The following GET4 variants were observed in gnomAD, a reference collection of about 807,000 sequenced individuals.
The protein encoded by GET4 is guided entry of tail-anchored proteins factor 4.
Under a neutral mutation model 40.0 loss-of-function variants are expected in GET4, and 20 were observed. The observed-to-expected ratio is 0.50, with a 90% CI of 0.35 to 0.73. The LOEUF is 0.73. GET4 is among the 30% of genes least tolerant of loss of function. GET4 has a pLI of 0.01. For missense variants in GET4, 557 were observed against 454.0 expected (o/e 1.23, Z -2.06); for synonymous variants, 280 against 194.6 (o/e 1.44, Z -3.65).
chr7:883,709 C>G lies in GET4; in HGVS notation c.156-2347C>G, dbSNP rs1844130656. On this transcript the variant is annotated intron_variant, in intron 1 of 8. Transcript: ENST00000265857. The stretch of plus-strand genomic sequence containing the variant: ...AGAAGGCCCGGCCATGCCCAGCTGC[C>G]CCCCACTCTCCCCGGCCTCGGGCTT... 4.1e-6 allele frequency: 4 copies of G among 985,870 alleles called. No individual in the cohort carries two copies. The African/African-American group carries it at 5.2e-5, about 13-fold the overall frequency. The allele number at this position is 985,870 out of a possible 1,614,324, so 61.1% of individuals were successfully genotyped here.
rs558369113 is a variant in GET4, at chr7:887,464, C to T, written c.411C>T (p.Ser137=). The T allele has an allele frequency of 1.7e-4, 269 of 1,590,386 alleles. No individual in the cohort carries two copies. The South Asian group carries it at 2.0e-3, about 12-fold the overall frequency. Residue 137 remains serine (S), a synonymous_variant, in exon 4 of 9, where the codon TCC becomes TCT. Coordinates refer to ENST00000265857, the MANE Select transcript of GET4 (RefSeq NM_015949.3). ...CCCTGAAGTGGTCCAGTGGGGGCTC[C>T]GGGAAGCTGGGCCACCCCCGGCTGC... ...SRALKWSSGG[S]GKLGHPRLHQ...
chr7:895,445 A>T lies in GET4; in HGVS notation c.*23A>T. On this transcript the variant is annotated 3_prime_UTR_variant, in exon 9 of 9. Coordinates refer to ENST00000265857, the MANE Select transcript of GET4 (RefSeq NM_015949.3). ...TGAACTGGCCAGGCCACGTGGAGAC[A>T]CCACGGTCGACGACGGCTGGAGGGA... 2 of 1,282,838 alleles carry T rather than the reference A, an allele frequency of 1.6e-6. No homozygotes were observed. Among genetic ancestry groups the T allele is most frequent in the Non-Finnish European group, 2.3e-6 (2 of 887,436 alleles). The allele number at this position is 1,282,838 out of a possible 1,614,324, so 79.5% of individuals were successfully genotyped here.
Position 886,633 on chromosome 7 carries a change from TG to T in GET4, c.301del (p.Ala101LeufsTer14). ...LESLEKAEVE[V>X]ADELLENLAK... ...TCCCTGGAGAAGGCGGAAGTGGAGG[TG>T]GCTGACGAGCTGCTGGGTGAGCATC... On this transcript the variant is annotated frameshift_variant, in exon 3 of 9. Transcript: ENST00000265857. LOFTEE classifies it high-confidence loss of function. 1 of 1,611,784 alleles carries T rather than the reference TG, an allele frequency of 6.2e-7. No homozygotes were observed. The highest frequency in any genetic ancestry group is 8.5e-7 in the Non-Finnish European group (1 of 1,178,910).
chr7:890,362 G>A (rs1844291520), intron 4 of GET4, among the ~76,000 whole-genome samples: 1 of 51,838 alleles, frequency 1.9e-5, no homozygotes, highest in Non-Finnish European at 3.9e-5. Flanking sequence ...GGGAGTGCGA[G>A]CGGGTGTCAG....
chr7:892,659 CGTG>C (rs1404165339), intron 6 of GET4, among the ~76,000 whole-genome samples: 3 of 145,974 alleles, frequency 2.1e-5, no homozygotes, highest in African/African-American at 7.6e-5. Flanking sequence ...GTAGACATGG[CGTG>C]GGGGAGTGTA....
Position 876,675 on chromosome 7 carries a change from G to T in GET4, c.30G>T (p.Gln10His), listed in dbSNP as rs1843947209. Reference sequence around the variant, plus strand: ...CGGCGGCGGCGGCGATGGCCGAGCAGGAGAGCGCCCGGAACGGCGGCCGCA... The same window carrying T: ...CGGCGGCGGCGGCGATGGCCGAGCATGAGAGCGCCCGGAACGGCGGCCGCA... MAAAAAMAE[Q>H]ESARNGGRNR... The change falls in exon 1 of 9, where the codon CAG becomes CAT. Residue 10 changes from glutamine (Q) to histidine (H), a missense_variant. Transcript: ENST00000265857. 2 of 1,334,172 alleles carry T rather than the reference G, an allele frequency of 1.5e-6. No homozygotes were observed. Among genetic ancestry groups the T allele is most frequent in the Admixed American group, 6.9e-5 (2 of 28,918 alleles). The allele number at this position is 1,334,172 out of a possible 1,614,324, so 82.6% of individuals were successfully genotyped here.
chr7:889,149 G>A (rs551447576), intron 4 of GET4, among the ~76,000 whole-genome samples: 10 of 152,394 alleles, frequency 6.6e-5, no homozygotes, highest in African/African-American at 2.2e-4. Context: ...GTGCATGGGA[G>A]GGCTGCGCTC....
Position 895,487 on chromosome 7 carries a change from C to T in GET4, c.*65C>T. 1 of 829,220 alleles carries T rather than the reference C, an allele frequency of 1.2e-6. No individual in the cohort carries two copies. Among genetic ancestry groups the T allele is most frequent in the Non-Finnish European group, 2.0e-6 (1 of 497,800 alleles). 51.4% of individuals were successfully genotyped at this position (829,220 alleles called of 1,614,324 possible). A position where few individuals can be genotyped will look rare whatever the true frequency, so the allele number is the denominator to read the frequency against. On this transcript the variant is annotated 3_prime_UTR_variant, in exon 9 of 9. Transcript: ENST00000265857. ...CTGGAGGGACGTTTCAGAGGCGAGT[C>T]CTGGGTGGCTCCTCGCCTTGGGGGC...
At position 878,375 on chromosome 7, in the gene GET4, TCAGGTCAGGGAACAG is replaced by T. The variant is rs1316379766; in HGVS notation, c.155+1576_155+1590del. ...TGCATATCAGATTATCTCTTATGGT[TCAGGTCAGGGAACAG>T]TCTGGCCAGTCACTAGGAATTGGGT... On this transcript the variant is annotated intron_variant, in intron 1 of 8. Coordinates refer to ENST00000265857, the MANE Select transcript of GET4 (RefSeq NM_015949.3). The T allele has an allele frequency of 8.5e-6, 4 of 470,986 alleles. No individual in the cohort carries two copies. In the East Asian group the frequency reaches 2.8e-4, roughly 33 times the overall value. The allele number at this position is 470,986 out of a possible 1,614,324, so 29.2% of individuals were successfully genotyped here.
intron 3 of GET4, chr7:887,136 GC>G: frequency 1.5e-6 from 1 of 679,832 alleles, no homozygotes; most frequent in South Asian, 1.5e-5. Flanking sequence ...ACCTTCCCCA[GC>G]CCCCGCCTCG....
Position 884,101 on chromosome 7 carries a change from G to T in GET4, c.156-1955G>T. 2.9e-5 allele frequency: 35 copies of T among 1,195,766 alleles called. No individual in the cohort carries two copies. In the Admixed American group the frequency reaches 3.8e-4, roughly 13 times the overall value. 74.1% of individuals were successfully genotyped at this position (1,195,766 alleles called of 1,614,324 possible). On this transcript the variant is annotated intron_variant, in intron 1 of 8. Coordinates refer to ENST00000265857, the MANE Select transcript of GET4 (RefSeq NM_015949.3). The stretch of plus-strand genomic sequence containing the variant: ...TCCAGGGAGTCCTTTTTTTCTTCTG[G>T]TTTCTAAGTCGCCACCTCTTGCTTT...
chr7:878,525 C>A (rs528486385), intron 1 of GET4, among the ~76,000 whole-genome samples: 2 of 149,648 alleles, frequency 1.3e-5, no homozygotes, highest in South Asian at 4.3e-4. Context: ...TTGGTCTGGC[C>A]TTTATACAGT....
intron 1 of GET4, chr7:884,285 C>T: frequency 7.7e-7 from 1 of 1,304,060 alleles, no homozygotes; most frequent in Non-Finnish European, 1.0e-6. Flanking sequence ...GTGCCCTGTG[C>T]CAGACGGCTC....
chr7:891,643 T>C, intron 5 of GET4, among the ~76,000 whole-genome samples: 1 of 152,246 alleles, frequency 6.6e-6, no homozygotes, highest in East Asian at 1.9e-4. Flanking sequence ...GCCCGTCAGT[T>C]TCTTCCCACA....
Position 895,316 on chromosome 7 carries a change from C to T in GET4, c.896-18C>T, listed in dbSNP as rs372279230. ...GGAGGCTGCCCAGGCGTGACTGCCACGGTGTTCTTCTTTCCAGGGAACCTT... is the reference window on the plus strand; with the variant it reads ...GGAGGCTGCCCAGGCGTGACTGCCATGGTGTTCTTCTTTCCAGGGAACCTT... On this transcript the variant is annotated intron_variant, in intron 8 of 8. Transcript: ENST00000265857. 9.9e-5 allele frequency: 136 copies of T among 1,371,322 alleles called. No homozygotes were observed. In the East Asian group the frequency reaches 1.0e-3, roughly 10 times the overall value. The allele number at this position is 1,371,322 out of a possible 1,614,324, so 84.9% of individuals were successfully genotyped here. A position where few individuals can be genotyped will look rare whatever the true frequency, so the allele number is the denominator to read the frequency against.
In GET4 at chr7:890,864, C is replaced by A. The variant is rs1844305989; in HGVS notation, c.467-64C>A. On this transcript the variant is annotated intron_variant, in intron 4 of 8. Coordinates refer to ENST00000265857, the MANE Select transcript of GET4 (RefSeq NM_015949.3). ...CTAGAATTAACATGGAGTGTCTTTC[C>A]CCCTTTCCTTTTCTGTGTTATATTC... The A allele has an allele frequency of 3.1e-6, 4 of 1,294,712 alleles. No individual in the cohort carries two copies. The South Asian group carries it at 4.8e-5, about 15-fold the overall frequency. The allele number at this position is 1,294,712 out of a possible 1,614,324, so 80.2% of individuals were successfully genotyped here.
At chr7:884,529 C>T (rs1312125869) in intron 1 of GET4, 3 of 386,148 alleles carry the variant, frequency 7.8e-6, no homozygotes, top group South Asian at 2.1e-5. Context: ...GGTGCCCTGC[C>T]TCTGTGCAGC....
chr7:884,220 G>A (rs1196490180), intron 1 of GET4: 14 of 1,303,860 alleles, frequency 1.1e-5, no homozygotes, highest in Admixed American at 2.3e-5. Context: ...TTCTGCCCGT[G>A]GCCCCACTGG....
chr7:876,561 C>G lies in GET4; in HGVS notation c.-85C>G, dbSNP rs1172423764. On this transcript the variant is annotated 5_prime_UTR_variant, in exon 1 of 9. Coordinates refer to ENST00000265857, the MANE Select transcript of GET4 (RefSeq NM_015949.3). ...CTCCTCGCGGGCCACCGTAGAAGGG[C>G]GTCGGGCGGCCGTCGGGACGGAAGC... 1.8e-6 allele frequency: 2 copies of G among 1,099,982 alleles called. 1 individual carries two copies. Among genetic ancestry groups the G allele is most frequent in the South Asian group, 8.9e-5 (2 of 22,422 alleles). 68.1% of individuals were successfully genotyped at this position (1,099,982 alleles called of 1,614,324 possible).
Sources: gnomAD v4.1 joint callset for allele counts (sites outside exome capture counted in the v4.1 genomes callset) on GRCh38, gnomAD v4.1.1 for gene constraint, MANE v1.5 for transcripts, NCBI Gene and HGNC (gene_info 2026-07-23, HGNC 2026-07-21) for gene names.